The following SCNN1B variants were observed in gnomAD, a reference collection of about 807,000 sequenced individuals.
SCNN1B encodes sodium channel epithelial 1 subunit beta.
A neutral mutation model predicts 65.3 loss-of-function variants in SCNN1B; 46 were observed. The observed-to-expected ratio is 0.70, with a 90% CI of 0.56 to 0.90. The LOEUF (loss-of-function observed/expected upper bound fraction) is 0.90. Among genes scored for constraint, SCNN1B ranks in the 40% least tolerant of loss-of-function variants. The probability of loss-of-function intolerance (pLI) is 0.00; values close to 1 mark genes in which losing one functional copy is unlikely to be tolerated. For synonymous variants in SCNN1B, 349 were observed against 330.6 expected (o/e 1.06, Z -0.60); for missense variants, 751 against 830.5 (o/e 0.90, Z 1.18).
intron 1 of SCNN1B, among the ~76,000 whole-genome samples, chr16:23,344,106 T>G (rs1372396446): frequency 6.6e-6 from 1 of 152,240 alleles, no homozygotes; most frequent in Non-Finnish European, 1.5e-5. Flanking sequence ...ACTTAAACAT[T>G]TTTCTTTAAA....
In SCNN1B at chr16:23,381,133, C is replaced by T. The variant is rs1358915635; in HGVS notation, c.*332C>T. ...TTCCCTCCCAGTGCCAGTCTCCATC[C>T]ACCCCAGAGAGGAACAGGCGGGTGG... On this transcript the variant is annotated 3_prime_UTR_variant, in exon 13 of 13. Transcript: ENST00000343070. 2 of 410,018 alleles carry T rather than the reference C, an allele frequency of 4.9e-6. No homozygotes were observed. The highest frequency in any genetic ancestry group is 7.7e-5 in the Admixed American group (2 of 26,118). 25.4% of individuals were successfully genotyped at this position (410,018 alleles called of 1,614,324 possible).
intron 4 of SCNN1B, 67 bp from the exon 5 acceptor site, chr16:23,367,789 G>T: frequency 8.2e-7 from 1 of 1,221,010 alleles, no homozygotes; most frequent in Non-Finnish European, 1.2e-6. Flanking sequence ...AAAGGTGGAC[G>T]GCAGACAGTC....
At chr16:23,321,706 C>G (rs894809305) in intron 1 of SCNN1B, among the ~76,000 whole-genome samples, 1 of 152,108 alleles carries the variant, frequency 6.6e-6, no homozygotes, top group Non-Finnish European at 1.5e-5. Context: ...ACTCCGCGGA[C>G]GGTGGCTGCT....
intron 1 of SCNN1B, among the ~76,000 whole-genome samples, chr16:23,340,109 G>A (rs1229628580): frequency 2.6e-5 from 4 of 152,018 alleles, no homozygotes; most frequent in Non-Finnish European, 5.9e-5. Context: ...CTCTTTTATG[G>A]TGTCTATTCA....
intron 4 of SCNN1B, among the ~76,000 whole-genome samples, chr16:23,362,227 C>T (rs1007513297): frequency 6.6e-6 from 1 of 151,798 alleles, no homozygotes; most frequent in African/African-American, 2.4e-5. Context: ...CACCTGTAAT[C>T]CCAGCTACTA....
At chr16:23,323,714 A>G in intron 1 of SCNN1B, 2 of 652,190 alleles carry the variant, frequency 3.1e-6, no homozygotes, top group Non-Finnish European at 5.5e-6. Flanking sequence ...CCAGGTTGCA[A>G]GGTGTCTTAG....
At chr16:23,294,985 T>C (rs7198891) in intron 2 of SCNN1B, among the ~76,000 whole-genome samples, 40,392 of 151,750 alleles carry the variant, frequency 0.27, 5,640 homozygotes, top group African/African-American at 0.36. Context: ...AGAGCAAGAC[T>C]GTCTCAAAAT....
At chr16:23,335,007 T>A (rs1026108228) in intron 1 of SCNN1B, among the ~76,000 whole-genome samples, 1 of 152,250 alleles carries the variant, frequency 6.6e-6, no homozygotes, top group African/African-American at 2.4e-5. Context: ...GTCCACATTT[T>A]AAATTTTAAT....
chr16:23,328,019 G>A (rs762221027), intron 1 of SCNN1B, among the ~76,000 whole-genome samples: 1 of 152,214 alleles, frequency 6.6e-6, no homozygotes, highest in Non-Finnish European at 1.5e-5. Context: ...CACAGAACAA[G>A]TCTTGTAAGG....
At chr16:23,314,137 A>G (rs545251107) in intron 1 of SCNN1B, among the ~76,000 whole-genome samples, 1 of 152,050 alleles carries the variant, frequency 6.6e-6, no homozygotes, top group Non-Finnish European at 1.5e-5. Context: ...CTCCCACCTC[A>G]GCCTCTCCAG....
At position 23,380,520 on chromosome 16, in the gene SCNN1B, G is replaced by A. The variant is rs764818802; in HGVS notation, c.1642G>A (p.Val548Met). Residue 548 changes from valine to methionine, a missense_variant, in exon 13 of 13, where the codon GTG becomes ATG. By Grantham distance (21) the Val-to-Met change is conservative. Coordinates refer to ENST00000343070, the MANE Select transcript of SCNN1B (RefSeq NM_000336.3). The surrounding 1 kb of genome is among the most constrained non-coding windows in gnomAD (Gnocchi z 5.4). The stretch of plus-strand genomic sequence containing the variant: ...GTTTGGGGAGATCATCATCGACTTT[G>A]TGTGGATCACCATCATCAAGCTGGT... Reference protein sequence around the residue: ...IEFGEIIIDFVWITIIKLVAL... With the variant: ...IEFGEIIIDFMWITIIKLVAL... 1.1e-5 allele frequency: 18 copies of A among 1,614,244 alleles called. 1 individual carries two copies. In the East Asian group the frequency reaches 3.1e-4, roughly 28 times the overall value.
intron 7 of SCNN1B, among the ~76,000 whole-genome samples, chr16:23,374,633 C>T (rs1441982735): frequency 6.6e-6 from 1 of 151,364 alleles, no homozygotes; most frequent in South Asian, 2.1e-4. Context: ...CGAGCTCTGG[C>T]TCCTCCTGGC....
chr16:23,330,466 C>T (rs929069094), intron 1 of SCNN1B, among the ~76,000 whole-genome samples: 1 of 152,158 alleles, frequency 6.6e-6, no homozygotes, highest in Non-Finnish European at 1.5e-5. Context: ...AGGGGCATTT[C>T]CCCCAGCGCC....
intron 1 of SCNN1B, among the ~76,000 whole-genome samples, chr16:23,316,991 A>G (rs547917530): frequency 1.6e-4 from 24 of 152,342 alleles, no homozygotes; most frequent in Admixed American, 6.5e-4. Flanking sequence ...ATGGTTTCCC[A>G]GACCCAAGAA....
At chr16:23,374,268 G>GGAA (rs1491419571) in intron 7 of SCNN1B, among the ~76,000 whole-genome samples, 1 of 60,442 alleles carries the variant, frequency 1.7e-5, no homozygotes. Context: ...CCTGTCTCAG[G>GGAA]AAAAAAAAAA....
At chr16:23,296,177 T>C (rs546652920) in intron 2 of SCNN1B, among the ~76,000 whole-genome samples, 1 of 152,150 alleles carries the variant, frequency 6.6e-6, no homozygotes, top group South Asian at 2.1e-4. Flanking sequence ...CCACACTCAG[T>C]TCCCCTTGGG....
chr16:23,282,219 A>G (rs1567283313), intron 1 of SCNN1B, among the ~76,000 whole-genome samples: 1 of 152,212 alleles, frequency 6.6e-6, no homozygotes, highest in South Asian at 2.1e-4. Flanking sequence ...ATAAATCCAT[A>G]AAAATAGAAA....
In SCNN1B at chr16:23,345,729, G is replaced by A. The variant is rs114557073; in HGVS notation, c.-8-2863G>A. On this transcript the variant is annotated intron_variant, in intron 1 of 12. Coordinates refer to ENST00000343070, the MANE Select transcript of SCNN1B (RefSeq NM_000336.3). ...CAACTCACACCAACTGAGATGAAAGGGACAGCGGGATATCTTCACCTGAAA... is the reference window on the plus strand; with the variant it reads ...CAACTCACACCAACTGAGATGAAAGAGACAGCGGGATATCTTCACCTGAAA... Among the ~76,000 whole-genome samples the A allele has an allele frequency of 7.6e-3, 1,158 of 152,262 alleles. 16 individuals are homozygous for A. The highest frequency in any genetic ancestry group is 0.027 in the African/African-American group (1,119 of 41,522).
chr16:23,297,032 A>G (rs950604402), intron 2 of SCNN1B, among the ~76,000 whole-genome samples: 1 of 151,242 alleles, frequency 6.6e-6, no homozygotes, highest in Non-Finnish European at 1.5e-5. Context: ...GAAATTGAAG[A>G]TCAGGGATCT....
Sources: allele counts gnomAD v4.1 joint callset (sites outside exome capture counted in the v4.1 genomes callset), GRCh38; gene constraint gnomAD v4.1.1; non-coding constraint Gnocchi (gnomAD v3.1); transcripts MANE v1.5; gene names NCBI Gene and HGNC (gene_info 2026-07-23, HGNC 2026-07-21).